PPRC1: variants seen among roughly 807,000 people sequenced by gnomAD.
PPRC1 encodes PPARG related coactivator 1, also known as peroxisome proliferator-activated receptor gamma coactivator-related protein 1.
A neutral mutation model predicts 132.5 loss-of-function variants in PPRC1; 23 were observed. That is an observed-to-expected ratio of 0.17 (90% CI 0.12 to 0.25). PPRC1 has a LOEUF of 0.25. Among genes scored for constraint, PPRC1 ranks in the 10% least tolerant of loss-of-function variants. The pLI is 1.00. For synonymous variants in PPRC1, 872 were observed against 833.5 expected, an observed-to-expected ratio of 1.05 and a Z score of -0.80; for missense variants, 2,006 against 2,089.1, an observed-to-expected ratio of 0.96 and a Z score of 0.78.
In PPRC1 at chr10:102,138,121, T is replaced by G. The variant is rs1264671989; in HGVS notation, c.342+83T>G. ...GCTCAAATTCTTGGCATGGCTCTGC[T>G]CTCCCAGGACCTTAGCTTCTTCCTG... On this transcript the variant is annotated intron_variant, in intron 2 of 13. Transcript: ENST00000278070. 5 of 1,421,796 alleles carry G rather than the reference T, an allele frequency of 3.5e-6. No homozygotes were observed. The East Asian group carries it at 1.2e-4, about 34-fold the overall frequency. 88.1% of individuals were successfully genotyped at this position (1,421,796 alleles called of 1,614,324 possible). A position where few individuals can be genotyped will look rare whatever the true frequency, so the allele number is the denominator to read the frequency against.
intron 4 of PPRC1, 49 bp downstream of exon 4, chr10:102,139,029 T>C: frequency 6.2e-7 from 1 of 1,600,530 alleles, no homozygotes; most frequent in Non-Finnish European, 8.6e-7. Flanking sequence ...GGAGGAGGAG[T>C]GTGTGGGGAC....
intron 1 of PPRC1, among the ~76,000 whole-genome samples, chr10:102,135,673 C>G (rs1256780018): frequency 6.6e-6 from 1 of 152,208 alleles, no homozygotes; most frequent in Non-Finnish European, 1.5e-5. Flanking sequence ...GCCACCACAC[C>G]CGGCCTGTAA....
chr10:102,123,831 G>GC, the PPRC1 span, among the ~76,000 whole-genome samples: 20 of 135,738 alleles, frequency 1.5e-4, no homozygotes, highest in East Asian at 4.0e-3. Flanking sequence ...ACCACGCCCG[G>GC]CCTTTTTTTT....
chr10:102,149,080 A>T lies in PPRC1; in HGVS notation c.4740-98A>T, dbSNP rs2069397883. ...GCAGTCAGAGGGTTGGCCACTGGGA[A>T]TGAGAAGAACCACCTCTGTACCTTG... On this transcript the variant is annotated intron_variant, in intron 12 of 13. Coordinates refer to ENST00000278070, the MANE Select transcript of PPRC1 (RefSeq NM_015062.5). 4 of 1,524,990 alleles carry T rather than the reference A, an allele frequency of 2.6e-6. No homozygotes were observed. The Admixed American group carries it at 8.3e-5, about 32-fold the overall frequency. The allele number at this position is 1,524,990 out of a possible 1,614,324, so 94.5% of individuals were successfully genotyped here.
chr10:102,125,704 C>T, the PPRC1 span, among the ~76,000 whole-genome samples: 1 of 152,104 alleles, frequency 6.6e-6, no homozygotes, highest in African/African-American at 2.4e-5. Context: ...TGGCTAGACT[C>T]ATTCCAATAG....
chr10:102,120,207 C>T, the PPRC1 span: 6 of 1,022,788 alleles, frequency 5.9e-6, no homozygotes, highest in Non-Finnish European at 7.0e-6. Context: ...CCCGCGGCCC[C>T]CGCTGCGCTC....
rs1033624670 is a variant in PPRC1, at chr10:102,149,042, C to T, written c.4739+104C>T. 7.1e-6 allele frequency: 11 copies of T among 1,538,950 alleles called. No homozygotes were observed. In the African/African-American group the frequency reaches 1.2e-4, roughly 17 times the overall value. ...CTCTGGTGTGCTGAGCAATATGGGG[C>T]ACCTTCATTTCTGCAGTCAGAGGGT... On this transcript the variant is annotated intron_variant, in intron 12 of 13. Coordinates refer to ENST00000278070, the MANE Select transcript of PPRC1 (RefSeq NM_015062.5).
chr10:102,148,735 C>A lies in PPRC1; in HGVS notation c.4617+41C>A, dbSNP rs149237871. On this transcript the variant is annotated intron_variant, in intron 11 of 13. Coordinates refer to ENST00000278070, the MANE Select transcript of PPRC1 (RefSeq NM_015062.5). The surrounding 1 kb of genome is among the most constrained non-coding windows in gnomAD (Gnocchi z 4.2). ...GATCATGGGAGGATGGGGCTTACCCCCTGAGCCTTGAGCTCAGAGAGCTGC... is the reference window on the plus strand; with the variant it reads ...GATCATGGGAGGATGGGGCTTACCCACTGAGCCTTGAGCTCAGAGAGCTGC... 1 of 1,613,620 alleles carries A rather than the reference C, an allele frequency of 6.2e-7. No individual in the cohort carries two copies. Among genetic ancestry groups the A allele is most frequent in the Admixed American group, 1.7e-5 (1 of 60,004 alleles).
In PPRC1 at chr10:102,139,238, A is replaced by C; in HGVS notation, c.730A>C (p.Ser244Arg). ...WGQSPPPQQR[S>R]DGEEEEEVAS... The stretch of plus-strand genomic sequence containing the variant: ...CCAATCCCCACCTCCCCAGCAGCGC[A>C]GTGATGGAGAAGAAGAGGAGGAGGT... The change falls in exon 5 of 14, where the codon AGT becomes CGT. Residue 244 changes from serine to arginine, a missense_variant. Coordinates refer to ENST00000278070, the MANE Select transcript of PPRC1 (RefSeq NM_015062.5). The C allele has an allele frequency of 6.2e-7, 1 of 1,614,118 alleles. No individual in the cohort carries two copies. Among genetic ancestry groups the C allele is most frequent in the Non-Finnish European group, 8.5e-7 (1 of 1,180,018 alleles).
At chr10:102,130,613 T>A (rs1332216017), upstream of PPRC1, among the ~76,000 whole-genome samples, 1 of 151,764 alleles carries the variant, frequency 6.6e-6, no homozygotes, top group African/African-American at 2.4e-5. Flanking sequence ...CACATGCCTG[T>A]AACCCCAGCT....
At chr10:102,143,600 A>C in intron 6 of PPRC1, among the ~76,000 whole-genome samples, 1 of 125,722 alleles carries the variant, frequency 8.0e-6, no homozygotes, top group Non-Finnish European at 1.7e-5. Flanking sequence ...CTCTGTCTCA[A>C]AAAAAAAAAA....
rs1457676848 is a variant in PPRC1, at chr10:102,150,048, T to C, written c.*19T>C. On this transcript the variant is annotated 3_prime_UTR_variant, in exon 14 of 14. Transcript: ENST00000278070. ...GAGGTAACCTTGGGCCCTTCCCTGC[T>C]ATCCTTTTTCTCCTTTGGAGGTGCC... The C allele has an allele frequency of 1.9e-6, 3 of 1,580,872 alleles. No homozygotes were observed. The highest frequency in any genetic ancestry group is 2.2e-5 in the East Asian group (1 of 44,708).
At chr10:102,143,376 G>A (rs1407231892) in intron 6 of PPRC1, among the ~76,000 whole-genome samples, 3 of 152,080 alleles carry the variant, frequency 2.0e-5, no homozygotes, top group Non-Finnish European at 4.4e-5. Context: ...TGAGGCGGGT[G>A]GATCATGAGG....
At position 102,140,177 on chromosome 10, in the gene PPRC1, C is replaced by T. The variant is rs1471398122; in HGVS notation, c.1669C>T (p.Leu557Phe). The change falls in exon 5 of 14, where the codon CTC (leucine) becomes TTC (phenylalanine). Residue 557 changes from leucine to phenylalanine, a missense_variant. Leu to Phe is a conservative substitution (Grantham distance 22). This residue lies in a region of PPRC1 where 1,914 missense variants were observed against 1,917.2 expected (regional missense o/e 1.00). Transcript: ENST00000278070. Reference protein sequence around the residue: ...SSPAKEGPLDLYPKLADTIQT... With the variant: ...SSPAKEGPLDFYPKLADTIQT... ...TCCTGCTAAAGAAGGCCCTCTAGAC[C>T]TCTACCCAAAGCTGGCTGACACTAT... 1 of 1,614,176 alleles carries T rather than the reference C, an allele frequency of 6.2e-7. No homozygotes were observed. Among genetic ancestry groups the T allele is most frequent in the South Asian group, 1.1e-5 (1 of 91,086 alleles).
At chr10:102,133,966 T>C (rs1419355248) in intron 1 of PPRC1, among the ~76,000 whole-genome samples, 1 of 151,872 alleles carries the variant, frequency 6.6e-6, no homozygotes, top group Non-Finnish European at 1.5e-5. Context: ...CGGGAGTTTG[T>C]TCCCTGCGGA....
chr10:102,138,938 T>C lies in PPRC1; in HGVS notation c.549T>C (p.Val183=), dbSNP rs1198208084. 6.2e-7 allele frequency: 1 copy of C among 1,614,124 alleles called. No homozygotes were observed. The highest frequency in any genetic ancestry group is 8.5e-7 in the Non-Finnish European group (1 of 1,179,968). Residue 183 remains valine, a synonymous_variant, in exon 4 of 14, where the codon GTT becomes GTC. Transcript: ENST00000278070. ...TPPERDLITP[V]DPLGPSTGSS... ...CAGAACGTGACCTCATCACCCCAGTTGACCCACTGGGGCCCAGTACAGGCA... is the reference window on the plus strand; with the variant it reads ...CAGAACGTGACCTCATCACCCCAGTCGACCCACTGGGGCCCAGTACAGGCA...
chr10:102,131,214 T>C (rs1435180702), upstream of PPRC1, among the ~76,000 whole-genome samples: 2 of 150,088 alleles, frequency 1.3e-5, no homozygotes, highest in Middle Eastern at 3.2e-3. Flanking sequence ...AAAAAAAAAT[T>C]AGCTGGGCAT....
Position 102,133,056 on chromosome 10 carries a change from T to A in PPRC1, c.-13T>A. ...CCAGCGATCAGAGCAGCGCTGGGTG[T>A]TCAGGGGCCAAGATGGCGGCGCGCC... On this transcript the variant is annotated 5_prime_UTR_variant, in exon 1 of 14. Transcript: ENST00000278070. 8.1e-7 allele frequency: 1 copy of A among 1,240,860 alleles called. No individual in the cohort carries two copies. The highest frequency in any genetic ancestry group is 1.0e-6 in the Non-Finnish European group (1 of 987,912). The allele number at this position is 1,240,860 out of a possible 1,614,324, so 76.9% of individuals were successfully genotyped here.
chr10:102,136,720 A>G (rs2068736285), intron 1 of PPRC1, among the ~76,000 whole-genome samples: 1 of 152,130 alleles, frequency 6.6e-6, no homozygotes, highest in African/African-American at 2.4e-5. Flanking sequence ...GGTTTCAGGC[A>G]TCTACTGGGG....
Sources: gnomAD v4.1 joint callset for allele counts (sites outside exome capture counted in the v4.1 genomes callset) on GRCh38, gnomAD v4.1.1 for gene constraint, gnomAD v4.1.1 regional missense constraint, Gnocchi (gnomAD v3.1) non-coding constraint, MANE v1.5 for transcripts, NCBI Gene and HGNC (gene_info 2026-07-23, HGNC 2026-07-21) for gene names.